Variants in NR3C2 observed in about 807,000 individuals in gnomAD.
The protein encoded by NR3C2 is nuclear receptor subfamily 3 group C member 2.
NR3C2 carries 15 observed loss-of-function variants against 86.4 expected under a neutral mutation model. That is an observed-to-expected ratio of 0.17 (90% CI 0.12 to 0.27). The LOEUF is 0.27. Ranked by LOEUF, NR3C2 falls within the 10% of genes least tolerant of loss-of-function variation. NR3C2 has a pLI of 1.00. For synonymous variants in NR3C2, 458 were observed against 450.5 expected, an observed-to-expected ratio of 1.02 and a Z score of -0.21; for missense variants, 960 against 1,195.6, an observed-to-expected ratio of 0.80 and a Z score of 2.91.
chr4:148,428,335 A>G (rs370462192), intron 2 of NR3C2, among the ~76,000 whole-genome samples: 4 of 152,298 alleles, frequency 2.6e-5, no homozygotes, highest in African/African-American at 4.8e-5. Context: ...ATACCAGAAA[A>G]CCCAATGGAA....
chr4:148,351,843 T>A (rs938294459), intron 2 of NR3C2, among the ~76,000 whole-genome samples: 2 of 152,128 alleles, frequency 1.3e-5, no homozygotes, highest in South Asian at 4.1e-4. Context: ...ATATTGTAGG[T>A]GGTATTACTG....
chr4:148,361,417 A>G (rs1337066776), intron 2 of NR3C2, among the ~76,000 whole-genome samples: 4 of 152,252 alleles, frequency 2.6e-5, no homozygotes, highest in African/African-American at 9.6e-5. Flanking sequence ...CATCATCATT[A>G]GACAGGACTT....
chr4:148,400,072 A>G (rs1212856072), intron 2 of NR3C2, among the ~76,000 whole-genome samples: 1 of 152,380 alleles, frequency 6.6e-6, no homozygotes, highest in East Asian at 1.9e-4. Flanking sequence ...CTCTCTGTGT[A>G]AAGGAGAATT....
chr4:148,163,205 T>A (rs1734740563), intron 4 of NR3C2, among the ~76,000 whole-genome samples: 1 of 152,238 alleles, frequency 6.6e-6, no homozygotes, highest in Non-Finnish European at 1.5e-5. Context: ...CAAGAACATG[T>A]ACTATTCTTT....
At chr4:148,348,353 T>C (rs769213551) in intron 2 of NR3C2, among the ~76,000 whole-genome samples, 1 of 152,184 alleles carries the variant, frequency 6.6e-6, no homozygotes, top group East Asian at 1.9e-4. Context: ...ATTCACCTAC[T>C]ATTCTGTACA....
intron 2 of NR3C2, among the ~76,000 whole-genome samples, chr4:148,266,430 C>A (rs866718150): frequency 2.4e-4 from 36 of 152,154 alleles, no homozygotes; most frequent in Non-Finnish European, 3.1e-4. Context: ...CGTGAAGGTG[C>A]CAAAGGTAAG....
intron 2 of NR3C2, among the ~76,000 whole-genome samples, chr4:148,379,380 A>T (rs1746845169): frequency 6.6e-6 from 1 of 152,168 alleles, no homozygotes; most frequent in South Asian, 2.1e-4. Flanking sequence ...TCAAACCATG[A>T]TGTGCAAATG....
chr4:148,426,788 C>T (rs1200071946), intron 2 of NR3C2, among the ~76,000 whole-genome samples: 1 of 152,118 alleles, frequency 6.6e-6, no homozygotes, highest in Non-Finnish European at 1.5e-5. Flanking sequence ...CACAGGGACT[C>T]CCTCAATTGC....
intron 2 of NR3C2, among the ~76,000 whole-genome samples, chr4:148,421,251 G>A (rs1480726118): frequency 6.6e-6 from 1 of 152,174 alleles, no homozygotes; most frequent in Non-Finnish European, 1.5e-5. Context: ...CTTTCACACT[G>A]TTGTACAACC....
At chr4:148,114,340 G>A in intron 7 of NR3C2, 79 bp from the exon 8 acceptor site, 2 of 1,478,798 alleles carry the variant, frequency 1.4e-6, no homozygotes, top group East Asian at 2.3e-5. Flanking sequence ...GTCATATACT[G>A]ATTTTGAGGT....
At chr4:148,215,386 G>C (rs1737480745) in intron 3 of NR3C2, among the ~76,000 whole-genome samples, 1 of 152,208 alleles carries the variant, frequency 6.6e-6, no homozygotes, top group South Asian at 2.1e-4. Flanking sequence ...CTGCATGCTG[G>C]TGGTGACTGC....
At chr4:148,444,755 G>A, upstream of NR3C2, 1 of 985,064 alleles carries the variant, frequency 1.0e-6, no homozygotes, top group Non-Finnish European at 1.2e-6. Context: ...CGCAGAGGGG[G>A]ACGCGGGCAC....
chr4:148,084,518 G>A (rs546633545), intron 8 of NR3C2, among the ~76,000 whole-genome samples: 4 of 152,250 alleles, frequency 2.6e-5, no homozygotes, highest in South Asian at 2.1e-4. Flanking sequence ...TGAAGGAAGC[G>A]CTAGACATGG....
chr4:148,437,150 T>G (rs1228781779), intron 1 of NR3C2, among the ~76,000 whole-genome samples: 2 of 152,212 alleles, frequency 1.3e-5, no homozygotes, highest in South Asian at 4.1e-4. Flanking sequence ...AAAAAATATT[T>G]ACAAATGTTA....
intron 2 of NR3C2, among the ~76,000 whole-genome samples, chr4:148,385,026 T>A (rs1747194772): frequency 6.6e-6 from 1 of 152,168 alleles, no homozygotes; most frequent in African/African-American, 2.4e-5. Flanking sequence ...GGATAATTGC[T>A]CCTCTGGTGT....
chr4:148,429,728 T>A (rs1749713081), intron 2 of NR3C2, among the ~76,000 whole-genome samples: 1 of 152,246 alleles, frequency 6.6e-6, no homozygotes, highest in East Asian at 1.9e-4. Context: ...GAAGACGCTA[T>A]CCATTTAACA....
intron 2 of NR3C2, among the ~76,000 whole-genome samples, chr4:148,414,583 C>G (rs1326438356): frequency 6.6e-6 from 1 of 152,102 alleles, no homozygotes; most frequent in African/African-American, 2.4e-5. Flanking sequence ...TTGATTGTTA[C>G]TGATCTCAAA....
intron 3 of NR3C2, among the ~76,000 whole-genome samples, chr4:148,221,461 TTGAA>T (rs1193446249): frequency 6.6e-6 from 1 of 152,216 alleles, no homozygotes; most frequent in Middle Eastern, 3.2e-3. Context: ...AAGCACTAGA[TTGAA>T]TAAACCTCTT....
chr4:148,427,804 T>C (rs1004692424), intron 2 of NR3C2, among the ~76,000 whole-genome samples: 6 of 152,018 alleles, frequency 3.9e-5, no homozygotes, highest in South Asian at 2.1e-4. Flanking sequence ...CAAGGAATGA[T>C]AGGGACAAGG....
Sources: gnomAD v4.1 joint callset for allele counts (sites outside exome capture counted in the v4.1 genomes callset) on GRCh38, gnomAD v4.1.1 for gene constraint, MANE v1.5 for transcripts, NCBI Gene and HGNC (gene_info 2026-07-23, HGNC 2026-07-21) for gene names.